Variants in SRCIN1 observed in about 807,000 individuals in gnomAD.
SRCIN1 encodes the protein P130Cas-associated protein.
SRCIN1 carries 50 observed loss-of-function variants against 116.2 expected under a neutral mutation model. The ratio of observed to expected loss-of-function variants is 0.43; its 90% CI spans 0.34 to 0.54. SRCIN1 has a LOEUF of 0.54. SRCIN1 is among the 20% of genes least tolerant of loss of function. The pLI, the probability that SRCIN1 is intolerant of heterozygous loss-of-function variation, is 0.02. For synonymous variants in SRCIN1, 736 were observed against 750.0 expected, an observed-to-expected ratio of 0.98 and a Z score of 0.30; for missense variants, 1,446 against 1,672.0, an observed-to-expected ratio of 0.86 and a Z score of 2.36.
At chr17:38,576,353 T>A (rs1272686458) in intron 2 of SRCIN1, among the ~76,000 whole-genome samples, 1 of 152,006 alleles carries the variant, frequency 6.6e-6, no homozygotes, top group East Asian at 1.9e-4. Flanking sequence ...TCTCTCCCCA[T>A]CCTTTGGACT....
At chr17:38,571,404 C>G (rs1907067757) in intron 2 of SRCIN1, among the ~76,000 whole-genome samples, 1 of 152,184 alleles carries the variant, frequency 6.6e-6, no homozygotes, top group Non-Finnish European at 1.5e-5. Context: ...ATACTCTGGT[C>G]TGGCACCACT....
chr17:38,535,409 G>A (rs764788619), intron 18 of SRCIN1, among the ~76,000 whole-genome samples: 11 of 152,098 alleles, frequency 7.2e-5, no homozygotes, highest in African/African-American at 1.9e-4. Flanking sequence ...GTTTCTCCAC[G>A]TTGGTCAGGT....
intron 1 of SRCIN1, among the ~76,000 whole-genome samples, chr17:38,589,589 A>G (rs912806033): frequency 6.6e-6 from 1 of 152,148 alleles, no homozygotes; most frequent in Non-Finnish European, 1.5e-5. Flanking sequence ...TGCTTAGCCA[A>G]TGGGGCGATG....
rs185748857 is a variant in SRCIN1, at chr17:38,562,523, G to C, written c.835-195C>G. On this transcript the variant is annotated intron_variant, in intron 6 of 18. Transcript: ENST00000617146. The surrounding 1 kb of genome is among the most constrained non-coding windows in gnomAD (Gnocchi z 4.2). The stretch of plus-strand genomic sequence containing the variant: ...TGGAGGAAAAGGTGGCCGATGAAGA[G>C]GCACCAGAGGGGTAACCCTCAGCTC... Among the ~76,000 whole-genome samples the C allele has an allele frequency of 5.1e-4, 77 of 152,348 alleles. No individual in the cohort carries two copies. Among genetic ancestry groups the C allele is most frequent in the African/African-American group, 1.8e-3 (74 of 41,594 alleles).
chr17:38,558,427 C>T lies in SRCIN1; in HGVS notation c.2026-25G>A. On this transcript the variant is annotated intron_variant, in intron 10 of 18. Coordinates refer to ENST00000617146, the MANE Select transcript of SRCIN1 (RefSeq NM_025248.3). The surrounding 1 kb of genome is among the most constrained non-coding windows in gnomAD (Gnocchi z 4.6). ...GCTGCGGGACGCACGGACGGATGGA[C>T]CCGGGTGGGGGGAGCGGAGCCGCGA... 1 of 1,570,686 alleles carries T rather than the reference C, an allele frequency of 6.4e-7. No individual in the cohort carries two copies. Among genetic ancestry groups the T allele is most frequent in the South Asian group, 1.1e-5 (1 of 88,236 alleles).
intron 18 of SRCIN1, chr17:38,543,120 G>C (rs886655651): frequency 2.2e-6 from 1 of 456,680 alleles, no homozygotes; most frequent in Admixed American, 2.3e-5. Context: ...CACAGCCTCC[G>C]CGCCTGCTCA....
intron 2 of SRCIN1, among the ~76,000 whole-genome samples, chr17:38,574,427 G>T (rs1255305078): frequency 6.6e-6 from 1 of 152,144 alleles, no homozygotes; most frequent in Non-Finnish European, 1.5e-5. Flanking sequence ...TTAGCAAGAG[G>T]GGTGAGAGAG....
In SRCIN1 at chr17:38,549,092, C is replaced by T. The variant is rs1226176262; in HGVS notation, c.3081G>A (p.Val1027=). ...CCGAGTCCTTCTTGCTGGTGACCAC[C>T]ACCTCTCCGGTACGTGTGGTGGTCA... ...HGLTTTRTGE[V]VVTSKKDSAF... The change falls in exon 16 of 19, where the codon GTG becomes GTA. Residue 1027 remains valine, a synonymous_variant. Coordinates refer to ENST00000617146, the MANE Select transcript of SRCIN1 (RefSeq NM_025248.3). The T allele has an allele frequency of 5.6e-6, 9 of 1,612,758 alleles. No homozygotes were observed. In the South Asian group the frequency reaches 9.9e-5, roughly 18 times the overall value.
Position 38,552,891 on chromosome 17 carries a change from C to G in SRCIN1, c.2202-36G>C, listed in dbSNP as rs1234824744. The G allele has an allele frequency of 6.3e-7, 1 of 1,591,596 alleles. No homozygotes were observed. Among genetic ancestry groups the G allele is most frequent in the African/African-American group, 1.3e-5 (1 of 74,236 alleles). On this transcript the variant is annotated intron_variant, in intron 11 of 18. Coordinates refer to ENST00000617146, the MANE Select transcript of SRCIN1 (RefSeq NM_025248.3). The surrounding 1 kb of genome is among the most constrained non-coding windows in gnomAD (Gnocchi z 5.3). ...AGAGAGACCCTTTCAGCCCTTTTGG[C>G]CTGAGATGCCAGCCCAGCCCCCTGA...
intron 8 of SRCIN1, 57 bp downstream of exon 8, chr17:38,560,276 C>T: frequency 1.3e-6 from 2 of 1,534,972 alleles, no homozygotes; most frequent in South Asian, 1.2e-5. Context: ...TGCCCATTTC[C>T]CCTTCCTCCT....
chr17:38,538,432 AATAAT>A (rs1244238886), intron 18 of SRCIN1, among the ~76,000 whole-genome samples: 2 of 135,946 alleles, frequency 1.5e-5, no homozygotes, highest in African/African-American at 5.8e-5. Context: ...AAAAAAAAAA[AATAAT>A]AATAATAATA....
intron 11 of SRCIN1, among the ~76,000 whole-genome samples, chr17:38,557,626 G>T (rs1905892701): frequency 6.6e-6 from 1 of 152,254 alleles, no homozygotes; most frequent in African/African-American, 2.4e-5. Flanking sequence ...ATTTGGATCA[G>T]AAGACTGTCT....
Position 38,552,278 on chromosome 17 carries a change from G to A in SRCIN1, c.2481-146C>T. On this transcript the variant is annotated intron_variant, in intron 13 of 18. Transcript: ENST00000617146. The surrounding 1 kb of genome is among the most constrained non-coding windows in gnomAD (Gnocchi z 5.3). ...GGAGGAGTGACTGCCCCTGGTATAA[G>A]AGGAAGCCAGGTCTACAGCATGCAG... The A allele has an allele frequency of 1.4e-6, 2 of 1,427,416 alleles. No individual in the cohort carries two copies. Among genetic ancestry groups the A allele is most frequent in the South Asian group, 2.8e-5 (2 of 70,388 alleles). 88.4% of individuals were successfully genotyped at this position (1,427,416 alleles called of 1,614,324 possible).
At chr17:38,588,084 A>C (rs1256684439) in intron 1 of SRCIN1, among the ~76,000 whole-genome samples, 3 of 151,054 alleles carry the variant, frequency 2.0e-5, no homozygotes, top group Admixed American at 6.6e-5. Context: ...GAAGAAGAAG[A>C]AGAAGCAGAA....
At chr17:38,564,959 T>C (rs1181278305) in intron 3 of SRCIN1, among the ~76,000 whole-genome samples, 3 of 151,756 alleles carry the variant, frequency 2.0e-5, no homozygotes, top group Non-Finnish European at 4.4e-5. Context: ...ACAACACACA[T>C]GTTAAGTCTG....
rs1346586641 is a variant in SRCIN1 at position 38,568,927 on chromosome 17, G to GTGCC, written c.325-697_325-696insGGCA. Among the ~76,000 whole-genome samples the GTGCC allele has an allele frequency of 6.6e-6, 1 of 151,994 alleles. No homozygotes were observed. Among genetic ancestry groups the GTGCC allele is most frequent in the Non-Finnish European group, 1.5e-5 (1 of 67,972 alleles). ...GTGGATGGGGTGGATCAGGATGGAT[G>GTGCC]GGGCAGGGGTCGGAGGAGGGGGGCT... On this transcript the variant is annotated intron_variant, in intron 2 of 18. Transcript: ENST00000617146. This position sits in a 1 kb window ranked among gnomAD's most constrained non-coding sequence, Gnocchi z 4.5.
intron 7 of SRCIN1, 140 bp downstream of exon 7, chr17:38,561,323 A>G (rs1238306941): frequency 2.0e-6 from 2 of 1,019,582 alleles, no homozygotes. Flanking sequence ...CTCTCTGGCG[A>G]CCCTTCAAGA....
intron 17 of SRCIN1, 35 bp downstream of exon 17, chr17:38,548,522 C>T (rs1332122303): frequency 1.2e-6 from 2 of 1,604,370 alleles, no homozygotes; most frequent in Non-Finnish European, 1.7e-6. Context: ...GGGGGCCTGG[C>T]TGAGACCTTG....
intron 2 of SRCIN1, among the ~76,000 whole-genome samples, chr17:38,570,209 G>C (rs1906987230): frequency 1.3e-5 from 2 of 152,212 alleles, no homozygotes; most frequent in South Asian, 4.1e-4. Flanking sequence ...GAAACAAACA[G>C]AAACTCAGAG....
Sources: allele counts gnomAD v4.1 joint callset (sites outside exome capture counted in the v4.1 genomes callset), GRCh38; gene constraint gnomAD v4.1.1; non-coding constraint Gnocchi (gnomAD v3.1); transcripts MANE v1.5; gene names NCBI Gene and HGNC (gene_info 2026-07-23, HGNC 2026-07-21).